The following VAX2 variants were observed in gnomAD, a reference collection of about 807,000 sequenced individuals.
VAX2 encodes the protein ventral anterior homeobox 2.
VAX2 carries 8 observed loss-of-function variants against 12.5 expected under a neutral mutation model. The ratio of observed to expected loss-of-function variants is 0.64; its 90% CI spans 0.37 to 1.15. VAX2 has a LOEUF of 1.15. Among genes scored for constraint, VAX2 ranks in the 50% most tolerant of loss-of-function variants. The pLI, the probability that VAX2 is intolerant of heterozygous loss-of-function variation, is 0.01. For missense variants in VAX2, 476 were observed against 412.9 expected, an observed-to-expected ratio of 1.15 and a Z score of -1.32; for synonymous variants, 183 against 187.6, an observed-to-expected ratio of 0.98 and a Z score of 0.20.
chr2:70,923,851 G>A (rs111669451), intron 2 of VAX2, among the ~76,000 whole-genome samples: 2 of 152,180 alleles, frequency 1.3e-5, no homozygotes, highest in Non-Finnish European at 2.9e-5. Flanking sequence ...AATCCAGGCC[G>A]GCCTGGCACA....
Position 70,932,855 on chromosome 2 carries a change from A to G in VAX2, c.524A>G (p.Glu175Gly). Residue 175 changes from glutamate (E) to glycine (G), a missense_variant, in exon 3 of 3, where the codon GAG (glutamate) becomes GGG (glycine). By Grantham distance (98) the Glu-to-Gly change is moderately conservative. Coordinates refer to ENST00000234392, the MANE Select transcript of VAX2 (RefSeq NM_012476.3). ...AAGCGGGCGTCCTCCTCAGCCTCCGAGGCCTTTGCCACCTCCAACATTCTG... is the reference window on the plus strand; with the variant it reads ...AAGCGGGCGTCCTCCTCAGCCTCCGGGGCCTTTGCCACCTCCAACATTCTG... ...LEKRASSSAS[E>G]AFATSNILRL... 6.2e-7 allele frequency: 1 copy of G among 1,613,400 alleles called. No homozygotes were observed. The highest frequency in any genetic ancestry group is 8.5e-7 in the Non-Finnish European group (1 of 1,179,894).
At chr2:70,903,333 G>T (rs1300294571) in intron 1 of VAX2, among the ~76,000 whole-genome samples, 1 of 152,186 alleles carries the variant, frequency 6.6e-6, no homozygotes. Context: ...GGCCTCCCCA[G>T]GACCTGTCCT....
intron 1 of VAX2, among the ~76,000 whole-genome samples, chr2:70,919,650 G>A (rs1679403558): frequency 6.6e-6 from 1 of 152,128 alleles, no homozygotes; most frequent in Non-Finnish European, 1.5e-5. Context: ...AGACTAGCCT[G>A]GGCAACACGG....
At chr2:70,927,364 C>T (rs1320512646) in intron 2 of VAX2, among the ~76,000 whole-genome samples, 5 of 151,838 alleles carry the variant, frequency 3.3e-5, no homozygotes, top group South Asian at 2.1e-4. Context: ...CAATATCCCC[C>T]CGGGATGCCC....
Position 70,933,340 on chromosome 2 carries a change from A to G in VAX2, c.*136A>G. 3.3e-6 allele frequency: 3 copies of G among 898,718 alleles called. No homozygotes were observed. Among genetic ancestry groups the G allele is most frequent in the East Asian group, 3.2e-5 (1 of 31,190 alleles). The allele number at this position is 898,718 out of a possible 1,614,324, so 55.7% of individuals were successfully genotyped here. The stretch of plus-strand genomic sequence containing the variant: ...CTTCCCCACCTGCCCCCCAGCTCAG[A>G]GACTCGTGACCAAATGGCCTTGGTC... On this transcript the variant is annotated 3_prime_UTR_variant, in exon 3 of 3. Coordinates refer to ENST00000234392, the MANE Select transcript of VAX2 (RefSeq NM_012476.3).
chr2:70,933,150 C>A lies in VAX2; in HGVS notation c.819C>A (p.Ser273Arg), dbSNP rs1553414661. ...ELGSSAFEPY[S>R]WLERKVGSAS... ...GTTCCTCGGCCTTCGAGCCATACAGCTGGCTAGAACGGAAAGTGGGCAGCG... is the reference window on the plus strand; with the variant it reads ...GTTCCTCGGCCTTCGAGCCATACAGATGGCTAGAACGGAAAGTGGGCAGCG... The change falls in exon 3 of 3, where the codon AGC becomes AGA. Residue 273 changes from serine (S) to arginine (R), a missense_variant. By Grantham distance (110) the Ser-to-Arg change is moderately radical. Transcript: ENST00000234392. 3.2e-6 allele frequency: 5 copies of A among 1,561,944 alleles called. No individual in the cohort carries two copies. In the South Asian group the frequency reaches 6.1e-5, roughly 19 times the overall value.
chr2:70,907,109 G>T (rs1312637349), intron 1 of VAX2, among the ~76,000 whole-genome samples: 1 of 152,212 alleles, frequency 6.6e-6, no homozygotes, highest in African/African-American at 2.4e-5. Context: ...ATTTTTTGAC[G>T]TTGCAATGTC....
At chr2:70,901,407 G>C (rs1553409760) in intron 1 of VAX2, among the ~76,000 whole-genome samples, 1 of 152,258 alleles carries the variant, frequency 6.6e-6, no homozygotes, top group Non-Finnish European at 1.5e-5. Flanking sequence ...GCGGAGGGTG[G>C]CGTGCGCGGC....
At chr2:70,912,653 C>G (rs572961498) in intron 1 of VAX2, among the ~76,000 whole-genome samples, 1 of 152,036 alleles carries the variant, frequency 6.6e-6, no homozygotes. Flanking sequence ...CAGAGTGAGA[C>G]TCCGTTTCAA....
intron 2 of VAX2, among the ~76,000 whole-genome samples, chr2:70,931,233 G>C (rs1288049761): frequency 3.9e-5 from 6 of 152,170 alleles, no homozygotes; most frequent in Non-Finnish European, 8.8e-5. Context: ...GGCCAGTTCT[G>C]CCTCCTCTCA....
At chr2:70,915,303 A>G (rs1679286227) in intron 1 of VAX2, among the ~76,000 whole-genome samples, 2 of 151,572 alleles carry the variant, frequency 1.3e-5, no homozygotes, top group African/African-American at 4.9e-5. Context: ...GCTGGAGAGC[A>G]ATGGCACAAT....
At chr2:70,932,105 A>G (rs1367528773) in intron 2 of VAX2, among the ~76,000 whole-genome samples, 1 of 152,194 alleles carries the variant, frequency 6.6e-6, no homozygotes, top group African/African-American at 2.4e-5. Context: ...GTGCTGCTGT[A>G]GAGACAATGC....
chr2:70,933,129 C>T lies in VAX2; in HGVS notation c.798C>T (p.Ser266=), dbSNP rs782252825. 1 of 1,603,954 alleles carries T rather than the reference C, an allele frequency of 6.2e-7. No homozygotes were observed. The highest frequency in any genetic ancestry group is 8.5e-7 in the Non-Finnish European group (1 of 1,175,792). Residue 266 remains serine (S), a synonymous_variant, in exon 3 of 3, where the codon TCC becomes TCT. Coordinates refer to ENST00000234392, the MANE Select transcript of VAX2 (RefSeq NM_012476.3). ...TGCCTGCCGGCTACGAACTGGGTTC[C>T]TCGGCCTTCGAGCCATACAGCTGGC... ...LDLPAGYELG[S]SAFEPYSWLE... is the part of the protein sequence containing the mutation.
chr2:70,920,860 T>C (rs2104776425), intron 1 of VAX2, among the ~76,000 whole-genome samples: 1 of 152,266 alleles, frequency 6.6e-6, no homozygotes, highest in African/African-American at 2.4e-5. Context: ...TTGGTAGACC[T>C]GGCAGTTGTA....
chr2:70,915,748 A>G (rs1282003369), intron 1 of VAX2, among the ~76,000 whole-genome samples: 1 of 151,890 alleles, frequency 6.6e-6, no homozygotes, highest in Non-Finnish European at 1.5e-5. Flanking sequence ...GCTTAACGTG[A>G]CTTATTGACT....
Position 70,900,577 on chromosome 2 carries a change from G to A in VAX2, c.-45G>A, listed in dbSNP as rs567031050. On this transcript the variant is annotated 5_prime_UTR_variant, in exon 1 of 3. Coordinates refer to ENST00000234392, the MANE Select transcript of VAX2 (RefSeq NM_012476.3). ...GGGCGGGGAGCGGCGCTCCCGGCCA[G>A]CGTAGGCTGGCTCCGCCGTAGAGGG... 239 of 1,237,174 alleles carry A rather than the reference G, an allele frequency of 1.9e-4. No individual in the cohort carries two copies. The highest frequency in any genetic ancestry group is 1.2e-3 in the South Asian group (31 of 26,900). The allele number at this position is 1,237,174 out of a possible 1,614,324, so 76.6% of individuals were successfully genotyped here.
rs190594116 is a variant in VAX2 at position 70,906,350 on chromosome 2, A to C, written c.247+5482A>C. 2.2e-4 allele frequency among the ~76,000 whole-genome samples: 34 copies of C among 152,290 alleles called. 1 individual carries two copies. The East Asian group carries it at 4.1e-3, about 18-fold the overall frequency. Reference sequence around the variant, plus strand: ...GCAGCCCCAGGCTTGGATGTGGCCTACAGAGCCAGGGTGAATGCACCCGGA... The same window carrying C: ...GCAGCCCCAGGCTTGGATGTGGCCTCCAGAGCCAGGGTGAATGCACCCGGA... On this transcript the variant is annotated intron_variant, in intron 1 of 2. Transcript: ENST00000234392.
chr2:70,916,034 C>G (rs1019247750), intron 1 of VAX2, among the ~76,000 whole-genome samples: 2 of 152,136 alleles, frequency 1.3e-5, no homozygotes, highest in Middle Eastern at 3.4e-3. Context: ...AAATAAATGC[C>G]TAACTTTTTA....
chr2:70,916,629 T>A (rs1679310047), intron 1 of VAX2, among the ~76,000 whole-genome samples: 1 of 152,234 alleles, frequency 6.6e-6, no homozygotes, highest in South Asian at 2.1e-4. Flanking sequence ...ATATAGTGTA[T>A]AACTTTTGGG....
Sources: gnomAD v4.1 joint callset for allele counts (sites outside exome capture counted in the v4.1 genomes callset) on GRCh38, gnomAD v4.1.1 for gene constraint, MANE v1.5 for transcripts, NCBI Gene and HGNC (gene_info 2026-07-23, HGNC 2026-07-21) for gene names.